Variants in TM2D1 observed in about 807,000 individuals in gnomAD.
TM2D1 encodes TM2 domain-containing protein 1.
TM2D1 carries 15 observed loss-of-function variants against 28.4 expected under a neutral mutation model. The observed-to-expected ratio is 0.53, with a 90% CI of 0.35 to 0.81. TM2D1 has a LOEUF of 0.81. TM2D1 is among the 40% of genes least tolerant of loss of function. The pLI is 0.01. For missense variants in TM2D1, 236 were observed against 254.9 expected (o/e 0.93, Z 0.50); for synonymous variants, 93 against 96.2 (o/e 0.97, Z 0.20).
At position 61,681,124 on chromosome 1, in the gene TM2D1, T is replaced by A. The variant is rs1644240651; in HGVS notation, c.*246A>T. On this transcript the variant is annotated 3_prime_UTR_variant, in exon 7 of 7. Coordinates refer to ENST00000606498, the MANE Select transcript of TM2D1 (RefSeq NM_032027.3). ...TGCCTTTGTAAAAGATTAAAGAGTATCAGAGTAATAAGCTATCTCTCATAG... is the reference window on the plus strand; with the variant it reads ...TGCCTTTGTAAAAGATTAAAGAGTAACAGAGTAATAAGCTATCTCTCATAG... The A allele has an allele frequency of 6.5e-6, 1 of 153,684 alleles. No individual in the cohort carries two copies. Among genetic ancestry groups the A allele is most frequent in the East Asian group, 1.9e-4 (1 of 5,190 alleles). The allele number at this position is 153,684 out of a possible 1,614,324, so 9.5% of individuals were successfully genotyped here. A position where few individuals can be genotyped will look rare whatever the true frequency, so the allele number is the denominator to read the frequency against.
At position 61,709,571 on chromosome 1, in the gene TM2D1, T is replaced by G. The variant is rs1186874751; in HGVS notation, c.239-134A>C. ...CATGACACAAGCCTTTAATTTTAGG[T>G]GGGAAAAGTGACACTACGTATGTAC... On this transcript the variant is annotated intron_variant, in intron 2 of 6. Transcript: ENST00000606498. 2.2e-5 allele frequency: 14 copies of G among 633,138 alleles called. No individual in the cohort carries two copies. In the Admixed American group the frequency reaches 3.8e-4, roughly 17 times the overall value. The allele number at this position is 633,138 out of a possible 1,614,324, so 39.2% of individuals were successfully genotyped here.
At chr1:61,694,640 T>A (rs983939798) in intron 5 of TM2D1, 57 bp downstream of exon 5, 2 of 1,190,812 alleles carry the variant, frequency 1.7e-6, no homozygotes, top group Admixed American at 4.3e-5. Context: ...GAACAGGAGA[T>A]CACAGAACTC....
At chr1:61,690,513 CTAAAG>C in intron 5 of TM2D1, among the ~76,000 whole-genome samples, 1 of 146,872 alleles carries the variant, frequency 6.8e-6, no homozygotes, top group South Asian at 2.2e-4. Flanking sequence ...ATAATACAGT[CTAAAG>C]TATTTTGTTA....
At chr1:61,689,264 T>C (rs1302485740) in intron 5 of TM2D1, among the ~76,000 whole-genome samples, 1 of 152,204 alleles carries the variant, frequency 6.6e-6, no homozygotes, top group Non-Finnish European at 1.5e-5. Flanking sequence ...CTGAAAAGCT[T>C]AGGCTTTTAA....
At chr1:61,719,239 G>A (rs777930394) in intron 2 of TM2D1, among the ~76,000 whole-genome samples, 1 of 151,760 alleles carries the variant, frequency 6.6e-6, no homozygotes, top group African/African-American at 2.4e-5. Flanking sequence ...TTGTAGAGAC[G>A]GGGTTTCACC....
chr1:61,696,565 A>G (rs1644364667), intron 4 of TM2D1, among the ~76,000 whole-genome samples: 2 of 152,006 alleles, frequency 1.3e-5, no homozygotes, highest in South Asian at 4.1e-4. Flanking sequence ...AAAAGAAAGA[A>G]AGAAGAAAAA....
intron 3 of TM2D1, among the ~76,000 whole-genome samples, chr1:61,703,298 T>C (rs1406152363): frequency 6.8e-6 from 1 of 147,482 alleles, no homozygotes; most frequent in African/African-American, 2.5e-5. Context: ...GATGGTAATA[T>C]GTTTTACATT....
intron 2 of TM2D1, among the ~76,000 whole-genome samples, chr1:61,709,797 A>G (rs1340013652): frequency 6.6e-6 from 1 of 152,218 alleles, no homozygotes; most frequent in Non-Finnish European, 1.5e-5. Context: ...TTTGTTGGTA[A>G]TATGTTGGGC....
rs1644242373 is a variant in TM2D1 at position 61,681,336 on chromosome 1, A to G, written c.*34T>C. Reference sequence around the variant, plus strand: ...ACACTAGAAGTTCTCTATTAAAATCAAGGAGGCTCAAATCCTAAAACAGAA... The same window carrying G: ...ACACTAGAAGTTCTCTATTAAAATCGAGGAGGCTCAAATCCTAAAACAGAA... On this transcript the variant is annotated 3_prime_UTR_variant, in exon 7 of 7. Transcript: ENST00000606498. 6.6e-6 allele frequency: 1 copy of G among 152,258 alleles called. No homozygotes were observed. The highest frequency in any genetic ancestry group is 6.5e-5 in the Admixed American group (1 of 15,268). The allele number at this position is 152,258 out of a possible 1,614,324, so 9.4% of individuals were successfully genotyped here. A position where few individuals can be genotyped will look rare whatever the true frequency, so the allele number is the denominator to read the frequency against.
At chr1:61,707,723 T>A (rs866319847) in intron 3 of TM2D1, among the ~76,000 whole-genome samples, 2 of 152,208 alleles carry the variant, frequency 1.3e-5, no homozygotes, top group Admixed American at 6.5e-5. Context: ...AGCCCCTCAT[T>A]AACTCAATGA....
chr1:61,721,951 TAAAA>T (rs768461684), intron 2 of TM2D1, among the ~76,000 whole-genome samples: 1 of 43,996 alleles, frequency 2.3e-5, no homozygotes, highest in African/African-American at 9.8e-5. Flanking sequence ...TCTCTACAGC[TAAAA>T]AAAAAAAAAA....
At chr1:61,695,177 T>A (rs1320894796) in intron 4 of TM2D1, among the ~76,000 whole-genome samples, 1 of 151,860 alleles carries the variant, frequency 6.6e-6, no homozygotes, top group Non-Finnish European at 1.5e-5. Context: ...TTTGGAGAGT[T>A]AAAATATAAA....
chr1:61,690,793 C>A (rs910193569), intron 5 of TM2D1, among the ~76,000 whole-genome samples: 3 of 152,130 alleles, frequency 2.0e-5, no homozygotes, highest in Non-Finnish European at 2.9e-5. Flanking sequence ...AAAACTAATA[C>A]AAAGCAGTAT....
At chr1:61,713,206 A>G (rs1355020398) in intron 2 of TM2D1, among the ~76,000 whole-genome samples, 1 of 151,646 alleles carries the variant, frequency 6.6e-6, no homozygotes, top group East Asian at 1.9e-4. Flanking sequence ...GGCCGGGTGC[A>G]GCGGCTCATG....
At chr1:61,723,602 T>A in intron 2 of TM2D1, 111 bp downstream of exon 2, 1 of 516,400 alleles carries the variant, frequency 1.9e-6, no homozygotes, top group Non-Finnish European at 3.4e-6. Context: ...TGAATAATAA[T>A]GTTATCATTT....
At chr1:61,685,756 C>T (rs1644280753) in intron 5 of TM2D1, among the ~76,000 whole-genome samples, 1 of 152,230 alleles carries the variant, frequency 6.6e-6, no homozygotes, top group Admixed American at 6.5e-5. Flanking sequence ...TGTAATCCCA[C>T]ACTTTGGGAG....
At chr1:61,724,862 C>T in intron 1 of TM2D1, 95 bp downstream of exon 1, 2 of 1,296,450 alleles carry the variant, frequency 1.5e-6, no homozygotes, top group East Asian at 2.5e-5. Context: ...ATCGTTTTCA[C>T]TCAGTACAGC....
In TM2D1 at chr1:61,683,508, A is replaced by G; in HGVS notation, c.552T>C (p.Asp184=). ...GTCTTGTAAGTCTGGTTCCATAGTA[A>G]TCTATAATGTAACTACTTCCATCTG... The part of the protein sequence containing the change: ...GPSDGSSYII[D]YYGTRLTRLS... Residue 184 remains aspartate (D), a synonymous_variant, in exon 6 of 7, where the codon GAT becomes GAC. Coordinates refer to ENST00000606498, the MANE Select transcript of TM2D1 (RefSeq NM_032027.3). The G allele has an allele frequency of 6.5e-7, 1 of 1,544,986 alleles. No homozygotes were observed. Among genetic ancestry groups the G allele is most frequent in the African/African-American group, 1.4e-5 (1 of 72,530 alleles).
chr1:61,708,474 G>A (rs1644455506), intron 3 of TM2D1, among the ~76,000 whole-genome samples: 1 of 152,164 alleles, frequency 6.6e-6, no homozygotes, highest in African/African-American at 2.4e-5. Context: ...CAGGCTAAAC[G>A]TGAACTTCCG....
Sources: allele counts gnomAD v4.1 joint callset (sites outside exome capture counted in the v4.1 genomes callset), GRCh38; gene constraint gnomAD v4.1.1; transcripts MANE v1.5; gene names NCBI Gene and HGNC (gene_info 2026-07-23, HGNC 2026-07-21).